TRHDE: variants seen among roughly 807,000 people sequenced by gnomAD.
TRHDE encodes the protein thyrotropin releasing hormone degrading enzyme, also known as thyrotropin-releasing hormone-degrading ectoenzyme.
TRHDE carries 72 observed loss-of-function variants against 125.7 expected under a neutral mutation model. The ratio of observed to expected loss-of-function variants is 0.57; its 90% CI spans 0.47 to 0.70. The LOEUF (loss-of-function observed/expected upper bound fraction) is 0.70. TRHDE is among the 30% of genes least tolerant of loss of function. TRHDE has a pLI of 0.00. For missense variants in TRHDE, 1,110 were observed against 1,327.1 expected (o/e 0.84, Z 2.54); for synonymous variants, 509 against 509.1 (o/e 1.00, Z 0.00).
In TRHDE at chr12:72,569,638, G is replaced by A. The variant is rs1012600413; in HGVS notation, c.2131+982G>A. On this transcript the variant is annotated intron_variant, in intron 10 of 18. Transcript: ENST00000261180. ...AATCTAATCTGGTTGTCAGCAGTAC[G>A]AACACTTACAGTTCCATGCAGATGT... is the stretch of plus-strand genomic sequence containing the variant. Among the ~76,000 whole-genome samples the A allele has an allele frequency of 3.9e-5, 6 of 152,160 alleles. No individual in the cohort carries two copies. The South Asian group carries it at 1.0e-3, about 26-fold the overall frequency.
At chr12:72,492,174 G>T (rs1449253189) in intron 5 of TRHDE, among the ~76,000 whole-genome samples, 1 of 151,892 alleles carries the variant, frequency 6.6e-6, no homozygotes, top group Non-Finnish European at 1.5e-5. Flanking sequence ...ATTTTGAAAT[G>T]TTAATTTTTA....
rs560544528 is a variant in TRHDE at position 72,537,913 on chromosome 12, C to G, written c.1723-4378C>G. 2.9e-3 allele frequency among the ~76,000 whole-genome samples: 440 copies of G among 152,226 alleles called. 1 individual carries two copies. Among genetic ancestry groups the G allele is most frequent in the African/African-American group, 9.9e-3 (411 of 41,564 alleles). On this transcript the variant is annotated intron_variant, in intron 6 of 18. Transcript: ENST00000261180. ...ACTTTCTTAACCTCTGTGCTTTACA[C>G]TTCAACATCTCTTATGTATCTTTTC...
chr12:72,598,979 C>T (rs535912154), intron 12 of TRHDE, among the ~76,000 whole-genome samples: 36 of 152,124 alleles, frequency 2.4e-4, no homozygotes, highest in Middle Eastern at 3.4e-3. Flanking sequence ...TAAGAAAATG[C>T]GGTATTTCCT....
intron 2 of TRHDE, among the ~76,000 whole-genome samples, chr12:72,203,930 C>T (rs868058904): frequency 3.9e-5 from 6 of 152,174 alleles, no homozygotes; most frequent in African/African-American, 1.4e-4. Context: ...CCCGCTTTCC[C>T]AATCATAGCA....
chr12:72,514,159 A>G (rs541474424), intron 6 of TRHDE, among the ~76,000 whole-genome samples: 19 of 152,222 alleles, frequency 1.2e-4, no homozygotes, highest in Admixed American at 2.0e-4. Context: ...GCCCAACTTC[A>G]TATCTCATCT....
chr12:72,333,655 C>G (rs1592551112), intron 2 of TRHDE, among the ~76,000 whole-genome samples: 1 of 152,186 alleles, frequency 6.6e-6, no homozygotes, highest in Non-Finnish European at 1.5e-5. Flanking sequence ...TAAATCTTGT[C>G]TAATCCTCTT....
chr12:72,220,947 G>A (rs1460856702), intron 2 of TRHDE, among the ~76,000 whole-genome samples: 2 of 152,022 alleles, frequency 1.3e-5, no homozygotes, highest in South Asian at 2.1e-4. Flanking sequence ...TTTTTTAAAT[G>A]TATTAAAATC....
At chr12:72,499,170 A>C (rs1290390012) in intron 5 of TRHDE, among the ~76,000 whole-genome samples, 1 of 152,278 alleles carries the variant, frequency 6.6e-6, no homozygotes, top group East Asian at 1.9e-4. Flanking sequence ...AAAATGCACA[A>C]ATAAGTCTGC....
rs539384356 is a variant in TRHDE, at chr12:72,587,081, A to G, written c.2321+11539A>G. Among the ~76,000 whole-genome samples, 74 of 152,270 alleles carry G rather than the reference A, an allele frequency of 4.9e-4. 1 individual carries two copies. The highest frequency in any genetic ancestry group is 3.4e-3 in the Middle Eastern group (1 of 294). On this transcript the variant is annotated intron_variant, in intron 12 of 18. Transcript: ENST00000261180. ...TGTGTAAGCTGAGGGCAGATCATGA[A>G]TTTTATCCATGACATGTTGAGGGAA... is the stretch of plus-strand genomic sequence containing the variant.
intron 12 of TRHDE, among the ~76,000 whole-genome samples, chr12:72,592,017 A>T (rs1253624729): frequency 6.7e-6 from 1 of 149,820 alleles, no homozygotes; most frequent in Non-Finnish European, 1.5e-5. Flanking sequence ...GTATTTGCAA[A>T]TTTTTTTCAT....
chr12:72,551,852 A>C (rs919221837), intron 7 of TRHDE, among the ~76,000 whole-genome samples: 1 of 152,162 alleles, frequency 6.6e-6, no homozygotes, highest in African/African-American at 2.4e-5. Context: ...TGGTTGGAGC[A>C]ACTCTAGATC....
intron 2 of TRHDE, among the ~76,000 whole-genome samples, chr12:72,289,875 A>G (rs913054379): frequency 1.3e-5 from 2 of 152,204 alleles, no homozygotes; most frequent in Non-Finnish European, 2.9e-5. Context: ...CACTTAATCC[A>G]GACCGCTTTT....
chr12:72,362,968 A>G (rs1005973335), intron 2 of TRHDE, among the ~76,000 whole-genome samples: 20 of 151,774 alleles, frequency 1.3e-4, no homozygotes, highest in African/African-American at 4.6e-4. Context: ...GTTACTGTAG[A>G]CTTGTAGTAT....
At chr12:72,661,535 T>C (rs1260125222) in intron 18 of TRHDE, among the ~76,000 whole-genome samples, 3 of 152,210 alleles carry the variant, frequency 2.0e-5, no homozygotes, top group Non-Finnish European at 1.5e-5. Context: ...CAAAATGTAT[T>C]ACTTTTTGCC....
chr12:72,560,801 G>C (rs941160273), intron 7 of TRHDE: 2 of 152,164 alleles, frequency 1.3e-5, no homozygotes, highest in Admixed American at 6.5e-5. Context: ...ACTCCAGCCT[G>C]AGTGACAGAG....
At chr12:72,249,543 T>C (rs1182867430) in intron 2 of TRHDE, among the ~76,000 whole-genome samples, 3 of 152,120 alleles carry the variant, frequency 2.0e-5, no homozygotes, top group Non-Finnish European at 4.4e-5. Flanking sequence ...ATATGGAAGC[T>C]GGTAAGCACA....
intron 18 of TRHDE, among the ~76,000 whole-genome samples, chr12:72,658,181 A>G (rs907360743): frequency 2.0e-5 from 3 of 152,144 alleles, no homozygotes; most frequent in African/African-American, 7.2e-5. Context: ...GCCCCAGAAC[A>G]TATTTTACTA....
chr12:72,663,242 A>ACTTTC lies in TRHDE; in HGVS notation c.*47_*48insCTTTC, dbSNP rs1360845992. The ACTTTC allele has an allele frequency of 6.8e-7, 1 of 1,464,150 alleles. No individual in the cohort carries two copies. Among genetic ancestry groups the ACTTTC allele is most frequent in the Non-Finnish European group, 9.2e-7 (1 of 1,088,702 alleles). The allele number at this position is 1,464,150 out of a possible 1,614,324, so 90.7% of individuals were successfully genotyped here. On this transcript the variant is annotated 3_prime_UTR_variant, in exon 19 of 19. Transcript: ENST00000261180. ...CAATTCAACTCAGAAGTTTATGAGA[A>ACTTTC]GACACGCTTTTTGTGGAATGAGGAA...
intron 2 of TRHDE, among the ~76,000 whole-genome samples, chr12:72,372,310 G>A (rs1250190647): frequency 6.6e-6 from 1 of 152,036 alleles, no homozygotes; most frequent in South Asian, 2.1e-4. Flanking sequence ...AGATGAGTAG[G>A]TTGCGAAAAT....
Sources: gnomAD v4.1 joint callset for allele counts (sites outside exome capture counted in the v4.1 genomes callset) on GRCh38, gnomAD v4.1.1 for gene constraint, MANE v1.5 for transcripts, NCBI Gene and HGNC (gene_info 2026-07-23, HGNC 2026-07-21) for gene names.